Variants in ANKRD44 observed in about 807,000 individuals in gnomAD.
The protein encoded by ANKRD44 is ankyrin repeat domain 44.
A neutral mutation model predicts 116.0 loss-of-function variants in ANKRD44; 35 were observed. The ratio of observed to expected loss-of-function variants is 0.30; its 90% confidence interval spans 0.23 to 0.40. ANKRD44 has a LOEUF of 0.40. Ranked by LOEUF, ANKRD44 falls within the 10% of genes least tolerant of loss-of-function variation. The pLI is 1.00. For synonymous variants in ANKRD44, 435 were observed against 461.8 expected (o/e 0.94, Z 0.74); for missense variants, 1,014 against 1,242.6 (o/e 0.82, Z 2.77).
At chr2:197,251,027 T>G (rs2082304751) in intron 1 of ANKRD44, 1 of 152,258 alleles carries the variant, frequency 6.6e-6, no homozygotes, top group South Asian at 2.1e-4. Context: ...TAACAAGCTT[T>G]ATACTTTTTC....
chr2:197,061,893 G>T (rs2077322628), intron 16 of ANKRD44, among the ~76,000 whole-genome samples: 1 of 150,632 alleles, frequency 6.6e-6, no homozygotes, highest in Admixed American at 6.6e-5. Context: ...CAATTCTCCT[G>T]CCTCAGCTTC....
At chr2:197,218,288 T>A (rs567169322) in intron 1 of ANKRD44, among the ~76,000 whole-genome samples, 131 of 152,290 alleles carry the variant, frequency 8.6e-4, no homozygotes, top group Admixed American at 2.4e-3. Context: ...GGAGCAGGTG[T>A]CTCTGCCTTC....
chr2:197,157,060 G>A (rs577698930), intron 2 of ANKRD44, among the ~76,000 whole-genome samples: 5 of 152,078 alleles, frequency 3.3e-5, no homozygotes, highest in Admixed American at 1.3e-4. Flanking sequence ...TCAAAACTTC[G>A]CAAACTGTAC....
chr2:196,981,350 T>C (rs1200465234), intron 21 of ANKRD44, among the ~76,000 whole-genome samples: 1 of 152,216 alleles, frequency 6.6e-6, no homozygotes, highest in Non-Finnish European at 1.5e-5. Context: ...TTCCACTGTC[T>C]TCTTACTCTA....
intron 3 of ANKRD44, among the ~76,000 whole-genome samples, chr2:197,139,648 G>GAGATAT (rs1553516685): frequency 2.8e-3 from 430 of 151,298 alleles, no homozygotes; most frequent in African/African-American, 8.6e-3. Flanking sequence ...TATAGATATA[G>GAGATAT]ATATATATAT....
chr2:197,195,565 C>T (rs150409229), intron 1 of ANKRD44, among the ~76,000 whole-genome samples: 20 of 152,252 alleles, frequency 1.3e-4, no homozygotes, highest in Non-Finnish European at 2.9e-4. Flanking sequence ...TTCCTGGATG[C>T]AATTTTGGCC....
At chr2:197,014,910 A>T (rs2076363001) in intron 17 of ANKRD44, 1 of 162,480 alleles carries the variant, frequency 6.2e-6, no homozygotes, top group Non-Finnish European at 1.3e-5. Flanking sequence ...CCACCTCTCC[A>T]CACACAGGCA....
chr2:197,096,174 C>G (rs2078156408), intron 10 of ANKRD44, among the ~76,000 whole-genome samples: 1 of 152,158 alleles, frequency 6.6e-6, no homozygotes, highest in Non-Finnish European at 1.5e-5. Context: ...TCACACTTAG[C>G]ATGCATGATT....
At chr2:197,151,265 T>G (rs2079642753) in intron 2 of ANKRD44, among the ~76,000 whole-genome samples, 1 of 152,100 alleles carries the variant, frequency 6.6e-6, no homozygotes. Context: ...GAAAATGAAC[T>G]CACAAGCCTA....
At chr2:197,008,796 A>C (rs1263912231) in intron 19 of ANKRD44, 148 bp downstream of exon 19, 19 of 662,192 alleles carry the variant, frequency 2.9e-5, no homozygotes, top group African/African-American at 5.4e-5. Flanking sequence ...ACTGTGACTT[A>C]AAGCCACCTC....
chr2:197,009,335 G>C (rs183648715), intron 18 of ANKRD44, among the ~76,000 whole-genome samples: 1,602 of 151,838 alleles, frequency 0.011, 7 homozygotes, highest in Non-Finnish European at 0.016. Flanking sequence ...CAGGTGATCC[G>C]CCAGCCTCGG....
chr2:197,073,459 A>G (rs2077602256), intron 16 of ANKRD44, among the ~76,000 whole-genome samples: 1 of 152,192 alleles, frequency 6.6e-6, no homozygotes. Context: ...ACATTGGGAA[A>G]TATATACTTT....
At chr2:197,050,460 C>T (rs918593275) in intron 16 of ANKRD44, among the ~76,000 whole-genome samples, 10 of 151,636 alleles carry the variant, frequency 6.6e-5, no homozygotes, top group African/African-American at 2.4e-4. Flanking sequence ...TCTCATTCTG[C>T]CACCCAGGCT....
At chr2:197,222,430 T>C (rs146888009) in intron 1 of ANKRD44, among the ~76,000 whole-genome samples, 9 of 152,334 alleles carry the variant, frequency 5.9e-5, no homozygotes, top group Non-Finnish European at 1.2e-4. Context: ...ATTTAAGCCT[T>C]CAGATCCCCA....
rs1408094037 is a variant in ANKRD44, at chr2:197,121,505, T to C, written c.733A>G (p.Ile245Val). 1 of 1,614,220 alleles carries C rather than the reference T, an allele frequency of 6.2e-7. No homozygotes were observed. The change falls in exon 8 of 28, where the codon ATC becomes GTC. Residue 245 changes from isoleucine to valine, a missense_variant. Coordinates refer to ENST00000282272, the MANE Select transcript of ANKRD44 (RefSeq NM_001195144.2). ...GCATCCTGTCCATTGTAGCAGGCGA[T>C]GTGAAGCGCTGTATTTCCATAGACA... ...INVYGNTALHIACYNGQDAVV... is the reference protein window; with the variant it reads ...INVYGNTALHVACYNGQDAVV...
intron 1 of ANKRD44, chr2:197,301,165 G>A (rs561603555): frequency 2.3e-4 from 35 of 152,314 alleles, no homozygotes; most frequent in African/African-American, 7.7e-4. Context: ...CGTAAAGCAT[G>A]ATTCTTGTCT....
intron 16 of ANKRD44, among the ~76,000 whole-genome samples, chr2:197,059,763 T>A (rs1362356182): frequency 6.6e-6 from 1 of 152,198 alleles, no homozygotes; most frequent in East Asian, 1.9e-4. Flanking sequence ...ATGTACTGTG[T>A]CAATTACAAC....
At chr2:197,260,408 T>C (rs1412766547) in intron 1 of ANKRD44, among the ~76,000 whole-genome samples, 4 of 152,224 alleles carry the variant, frequency 2.6e-5, no homozygotes, top group African/African-American at 9.7e-5. Context: ...ACAAAGGACA[T>C]GAATCATCAT....
chr2:197,007,679 A>C (rs527974691), intron 20 of ANKRD44, 127 bp downstream of exon 20: 1 of 689,204 alleles, frequency 1.5e-6, no homozygotes, highest in African/African-American at 1.8e-5. Flanking sequence ...TGTATTAGGA[A>C]ACAATTTTTG....
Sources: gnomAD v4.1 joint callset for allele counts (sites outside exome capture counted in the v4.1 genomes callset) on GRCh38, gnomAD v4.1.1 for gene constraint, MANE v1.5 for transcripts, NCBI Gene and HGNC (gene_info 2026-07-23, HGNC 2026-07-21) for gene names.